The following CCDC110 variants were observed in gnomAD, a reference collection of about 807,000 sequenced individuals.
The protein encoded by CCDC110 is coiled-coil domain-containing protein 110.
Under a neutral mutation model 77.1 loss-of-function variants are expected in CCDC110, and 70 were observed. The ratio of observed to expected loss-of-function variants is 0.91; its 90% CI spans 0.75 to 1.11. CCDC110 has a LOEUF of 1.11. Ranked by LOEUF, CCDC110 falls within the 50% of genes least tolerant of loss-of-function variation. The pLI, the probability that CCDC110 is intolerant of heterozygous loss-of-function variation, is 0.00. For synonymous variants in CCDC110, 295 were observed against 312.5 expected (o/e 0.94, Z 0.59); for missense variants, 868 against 942.9 (o/e 0.92, Z 1.04).
At chr4:185,449,712 GA>G (rs1160330792) in intron 6 of CCDC110, 2 of 1,098,856 alleles carry the variant, frequency 1.8e-6, no homozygotes, top group Admixed American at 3.1e-5. Context: ...CTAATTATTT[GA>G]AAAAATATAA....
chr4:185,452,477 A>T (rs1160037483), intron 6 of CCDC110: 1 of 571,556 alleles, frequency 1.7e-6, no homozygotes, highest in Non-Finnish European at 2.2e-6. Context: ...AGAGAAAGTT[A>T]AGCAGTAGCA....
chr4:185,457,197 C>T, intron 6 of CCDC110: 1 of 453,888 alleles, frequency 2.2e-6, no homozygotes, highest in Non-Finnish European at 4.4e-6. Context: ...GGACAGAATT[C>T]AACAAGGAAT....
intron 6 of CCDC110, chr4:185,457,897 G>T: frequency 1.2e-6 from 1 of 814,462 alleles, no homozygotes; most frequent in Non-Finnish European, 1.8e-6. Context: ...CTTGCTCACT[G>T]CCAAACTTGG....
In CCDC110 at chr4:185,458,707, T is replaced by C. The variant is rs371405670; in HGVS notation, c.1880A>G (p.Gln627Arg). ...TTCTATTATTTGAAGAAGTGTCTCT[T>C]GTTCCGTTTTTGCCAATCTTTCTTT... is the stretch of plus-strand genomic sequence containing the variant. ...KEKERLAKTE[Q>R]ETLLQIIETV... is the part of the protein sequence containing the mutation. The change falls in exon 6 of 7, where the codon CAA becomes CGA. Residue 627 changes from glutamine to arginine, a missense_variant. By Grantham distance (43) the Gln-to-Arg change is conservative (BLOSUM62 1). Coordinates refer to ENST00000307588, the MANE Select transcript of CCDC110 (RefSeq NM_152775.4). The C allele has an allele frequency of 6.9e-6, 11 of 1,604,584 alleles. No individual in the cohort carries two copies. The highest frequency in any genetic ancestry group is 3.4e-5 in the South Asian group (3 of 87,702).
chr4:185,462,949 C>G (rs376122227), intron 3 of CCDC110, 45 bp downstream of exon 3: 22 of 1,482,148 alleles, frequency 1.5e-5, no homozygotes, highest in Non-Finnish European at 2.0e-5. Flanking sequence ...AAAGATCAGC[C>G]TTTACCCAGA....
chr4:185,464,139 T>C (rs575148397), intron 2 of CCDC110, among the ~76,000 whole-genome samples: 4 of 152,314 alleles, frequency 2.6e-5, no homozygotes, highest in East Asian at 3.9e-4. Flanking sequence ...CTAAGTAAAA[T>C]GAGAGCTATG....
At position 185,468,083 on chromosome 4, in the gene CCDC110, T is replaced by C. The variant is rs150773090; in HGVS notation, c.115+2862A>G. Among the ~76,000 whole-genome samples the C allele has an allele frequency of 5.3e-3, 806 of 152,336 alleles. 6 individuals carry two copies. Among genetic ancestry groups the C allele is most frequent in the African/African-American group, 0.018 (758 of 41,584 alleles). On this transcript the variant is annotated intron_variant, in intron 2 of 6. Transcript: ENST00000307588. The surrounding 1 kb of genome is among the most constrained non-coding windows in gnomAD (Gnocchi z 4.5). ...CATGCCTGGCCGCAGGTTCTAATAC[T>C]GAGTTCTGCTGTGACAATTCAAGTT...
chr4:185,471,406 G>C (rs1006024914), intron 1 of CCDC110: 1 of 453,290 alleles, frequency 2.2e-6, no homozygotes, highest in African/African-American at 2.1e-5. Flanking sequence ...GCCTGGGGCG[G>C]GGCGCGGCGC....
At chr4:185,455,299 GTTC>G (rs1275124615) in intron 6 of CCDC110, among the ~76,000 whole-genome samples, 1 of 151,736 alleles carries the variant, frequency 6.6e-6, no homozygotes, top group Non-Finnish European at 1.5e-5. Flanking sequence ...TAATACTTTA[GTTC>G]TTTGATTTAT....
chr4:185,468,972 C>T lies in CCDC110; in HGVS notation c.115+1973G>A, dbSNP rs1000608136. Among the ~76,000 whole-genome samples, 2 of 152,176 alleles carry T rather than the reference C, an allele frequency of 1.3e-5. No individual in the cohort carries two copies. Among genetic ancestry groups the T allele is most frequent in the South Asian group, 2.1e-4 (1 of 4,828 alleles). On this transcript the variant is annotated intron_variant, in intron 2 of 6. Coordinates refer to ENST00000307588, the MANE Select transcript of CCDC110 (RefSeq NM_152775.4). The surrounding 1 kb of genome is among the most constrained non-coding windows in gnomAD (Gnocchi z 4.5). The stretch of plus-strand genomic sequence containing the variant: ...TGCTCAAAAGAATATGCTCCACAAA[C>T]GAATGAATGAATGAAAGCTCGGGTA...
intron 6 of CCDC110, 79 bp downstream of exon 6, chr4:185,458,047 T>C: frequency 1.0e-6 from 1 of 977,820 alleles, no homozygotes; most frequent in Admixed American, 2.9e-5. Context: ...AGTTTCCTCC[T>C]TATTTCTGTA....
chr4:185,455,433 C>G (rs527411559), intron 6 of CCDC110, among the ~76,000 whole-genome samples: 8 of 152,026 alleles, frequency 5.3e-5, no homozygotes, highest in Non-Finnish European at 1.2e-4. Flanking sequence ...AAAAGATATA[C>G]TATGCAAATA....
chr4:185,459,916 T>G lies in CCDC110; in HGVS notation c.671A>C (p.Lys224Thr). The change falls in exon 6 of 7, where the codon AAA becomes ACA. Residue 224 changes from lysine (K) to threonine (T), a missense_variant. Physicochemically the swap from Lys to Thr is moderately conservative, Grantham distance 78 (BLOSUM62 -1). Transcript: ENST00000307588. ...ATGCTTGAGAAAAGGCACAGTAATTTTGGATTTATCCAGAATTACTGTATC... is the reference window on the plus strand; with the variant it reads ...ATGCTTGAGAAAAGGCACAGTAATTGTGGATTTATCCAGAATTACTGTATC... ...QADTVILDKS[K>T]ITVPFLKHGF... 1 of 1,613,808 alleles carries G rather than the reference T, an allele frequency of 6.2e-7. No homozygotes were observed. The highest frequency in any genetic ancestry group is 1.1e-5 in the South Asian group (1 of 91,058).
intron 6 of CCDC110, chr4:185,449,750 A>G: frequency 1.4e-6 from 1 of 690,714 alleles, no homozygotes; most frequent in Non-Finnish European, 2.3e-6. Context: ...TAGCTCAAGC[A>G]GTTAAAAGAA....
chr4:185,457,901 A>T (rs991413587), intron 6 of CCDC110: 1 of 809,286 alleles, frequency 1.2e-6, no homozygotes, highest in Non-Finnish European at 1.8e-6. Flanking sequence ...CTCACTGCCA[A>T]ACTTGGTTTG....
In CCDC110 at chr4:185,458,843, G is replaced by T; in HGVS notation, c.1744C>A (p.Gln582Lys). 3 of 1,603,722 alleles carry T rather than the reference G, an allele frequency of 1.9e-6. No homozygotes were observed. The East Asian group carries it at 6.7e-5, about 36-fold the overall frequency. Residue 582 changes from glutamine (Q) to lysine (K), a missense_variant, in exon 6 of 7, where the codon CAA (glutamine) becomes AAA (lysine). By Grantham distance (53) the Gln-to-Lys change is moderately conservative. Transcript: ENST00000307588. ...TTCTCTAACATTTCTTTTTCATCTT[G>T]TATCAACAGAATATTGGTTTTCATT... ...EAMKTNILLI[Q>K]DEKEMLEKKT... is the part of the protein sequence containing the mutation.
chr4:185,456,431 AAAAC>A, intron 6 of CCDC110, among the ~76,000 whole-genome samples: 1 of 152,198 alleles, frequency 6.6e-6, no homozygotes, highest in Non-Finnish European at 1.5e-5. Flanking sequence ...ATGGAAGAAA[AAAAC>A]AAAGCAGCAA....
chr4:185,471,253 G>GGC (rs2095666444), intron 1 of CCDC110: 1 of 86,354 alleles, frequency 1.2e-5, no homozygotes, highest in African/African-American at 4.5e-5. Context: ...GAGGGGGCGG[G>GGC]TTTGAAGGCT....
Position 185,458,147 on chromosome 4 carries a change from G to C in CCDC110, c.2440C>G (p.Pro814Ala), listed in dbSNP as rs1333151955. Residue 814 changes from proline (P) to alanine (A), a missense_variant, in exon 6 of 7, where the codon CCT becomes GCT. Coordinates refer to ENST00000307588, the MANE Select transcript of CCDC110 (RefSeq NM_152775.4). ...HEDTSSPQSR[P>A]LASDLKGYFK... is the part of the protein sequence containing the mutation. Reference sequence around the variant, plus strand: ...GTACCTTTCAAATCCGAAGCCAAAGGCCTACTCTGAGGACTAGAAGTATCT... The same window carrying C: ...GTACCTTTCAAATCCGAAGCCAAAGCCCTACTCTGAGGACTAGAAGTATCT... 1 of 1,569,378 alleles carries C rather than the reference G, an allele frequency of 6.4e-7. No individual in the cohort carries two copies. The highest frequency in any genetic ancestry group is 1.4e-5 in the African/African-American group (1 of 72,540).
Sources: gnomAD v4.1 joint callset for allele counts (sites outside exome capture counted in the v4.1 genomes callset) on GRCh38, gnomAD v4.1.1 for gene constraint, Gnocchi (gnomAD v3.1) non-coding constraint, MANE v1.5 for transcripts, NCBI Gene and HGNC (gene_info 2026-07-23, HGNC 2026-07-21) for gene names.